The following KBTBD12 variants were observed in gnomAD, a reference collection of about 807,000 sequenced individuals.
The protein encoded by KBTBD12 is kelch repeat and BTB domain containing 12, also known as kelch repeat and BTB domain-containing protein 12.
A neutral mutation model predicts 58.7 loss-of-function variants in KBTBD12; 53 were observed. That is an observed-to-expected ratio of 0.90 (90% CI 0.72 to 1.14). The LOEUF (loss-of-function observed/expected upper bound fraction) is 1.14, where lower values mean the gene tolerates loss of function less well. Among genes scored for constraint, KBTBD12 ranks in the 50% most tolerant of loss-of-function variants. The pLI is 0.00. For missense variants in KBTBD12, 704 were observed against 751.3 expected (o/e 0.94, Z 0.74); for synonymous variants, 236 against 259.8 (o/e 0.91, Z 0.88).
At chr3:127,972,602 G>A (rs919433012) in intron 5 of KBTBD12, among the ~76,000 whole-genome samples, 7 of 152,322 alleles carry the variant, frequency 4.6e-5, no homozygotes, top group African/African-American at 1.4e-4. Context: ...TCAGCTAGCT[G>A]CTTAGAATGT....
At chr3:127,930,733 T>C (rs891403607) in intron 4 of KBTBD12, among the ~76,000 whole-genome samples, 7 of 152,116 alleles carry the variant, frequency 4.6e-5, no homozygotes, top group African/African-American at 1.7e-4. Flanking sequence ...TCTAGAGAGG[T>C]GTTATCAAAC....
At position 127,980,341 on chromosome 3, in the gene KBTBD12, T is replaced by G. The variant is rs1384490772; in HGVS notation, c.1691-3756T>G. ...TTATTTATTTATTTTTTATTTTTTATTTTTTTGAGATGGAGTCTCGCTCTG... is the reference window on the plus strand; with the variant it reads ...TTATTTATTTATTTTTTATTTTTTAGTTTTTTGAGATGGAGTCTCGCTCTG... On this transcript the variant is annotated intron_variant, in intron 5 of 5. Transcript: ENST00000405109. 2.0e-5 allele frequency among the ~76,000 whole-genome samples: 3 copies of G among 152,286 alleles called. 1 individual carries two copies. The East Asian group carries it at 5.8e-4, about 29-fold the overall frequency.
intron 5 of KBTBD12, among the ~76,000 whole-genome samples, chr3:127,977,009 G>C (rs756559396): frequency 8.5e-5 from 13 of 152,074 alleles, no homozygotes; most frequent in Non-Finnish European, 1.8e-4. Context: ...CCACCCTTAA[G>C]TAGGCCCCAG....
At chr3:127,937,496 GAAGA>G (rs1559764645) in intron 4 of KBTBD12, among the ~76,000 whole-genome samples, 1 of 152,090 alleles carries the variant, frequency 6.6e-6, no homozygotes, top group Non-Finnish European at 1.5e-5. Flanking sequence ...AGAGAGTTCT[GAAGA>G]ATTTGCCCAG....
chr3:127,957,013 A>G lies in KBTBD12; in HGVS notation c.1493-6176A>G, dbSNP rs117584507. Among the ~76,000 whole-genome samples, 13 of 152,344 alleles carry G rather than the reference A, an allele frequency of 8.5e-5. No individual in the cohort carries two copies. The East Asian group carries it at 2.5e-3, about 29-fold the overall frequency. ...CGTAATACATATTTTAAAACAGTAT[A>G]AAGAGTTGAAATGGAAAATTTTTGT... is the stretch of plus-strand genomic sequence containing the variant. On this transcript the variant is annotated intron_variant, in intron 4 of 5. Transcript: ENST00000405109.
chr3:127,930,351 A>G, intron 4 of KBTBD12, 68 bp downstream of exon 4: 3 of 1,406,988 alleles, frequency 2.1e-6, no homozygotes, highest in Middle Eastern at 1.9e-4. Context: ...CTCAGCAAAA[A>G]TGAAACGTTC....
intron 4 of KBTBD12, among the ~76,000 whole-genome samples, chr3:127,948,003 A>G (rs1233556859): frequency 6.6e-6 from 1 of 152,188 alleles, no homozygotes; most frequent in Non-Finnish European, 1.5e-5. Flanking sequence ...CTGGCCTTCC[A>G]TGACATCTTA....
At chr3:127,976,648 T>C (rs1940789335) in intron 5 of KBTBD12, among the ~76,000 whole-genome samples, 1 of 152,228 alleles carries the variant, frequency 6.6e-6, no homozygotes, top group African/African-American at 2.4e-5. Context: ...GTTATTATTT[T>C]TCCTTTGCAA....
intron 5 of KBTBD12, among the ~76,000 whole-genome samples, chr3:127,982,147 C>T (rs1199060533): frequency 6.6e-6 from 1 of 152,134 alleles, no homozygotes; most frequent in Non-Finnish European, 1.5e-5. Flanking sequence ...GTTCAGTTAG[C>T]AGGAGGAAAG....
At chr3:127,982,003 T>G (rs1940882124) in intron 5 of KBTBD12, among the ~76,000 whole-genome samples, 1 of 152,136 alleles carries the variant, frequency 6.6e-6, no homozygotes, top group Non-Finnish European at 1.5e-5. Context: ...AATTGTTAAA[T>G]AGGCGTCCAA....
At chr3:127,954,787 G>A (rs556453257) in intron 4 of KBTBD12, among the ~76,000 whole-genome samples, 1 of 152,262 alleles carries the variant, frequency 6.6e-6, no homozygotes, top group Admixed American at 6.5e-5. Flanking sequence ...CCAGCCACAG[G>A]GACTGGGGGT....
chr3:127,984,187 A>T lies in KBTBD12; in HGVS notation c.1781A>T (p.Asp594Val), dbSNP rs1187691849. Residue 594 changes from aspartate (D) to valine (V), a missense_variant, in exon 6 of 6, where the codon GAC becomes GTC. Transcript: ENST00000405109. ...GTAGCCATCAACGTCCTCATGCATG[A>T]CAGCTATGATGTCTGCCTAGTAGCC... Reference protein sequence around the residue: ...NVVAINVLMHDSYDVCLVARM... With the variant: ...NVVAINVLMHVSYDVCLVARM... 6.2e-7 allele frequency: 1 copy of T among 1,613,676 alleles called. No homozygotes were observed. The highest frequency in any genetic ancestry group is 8.5e-7 in the Non-Finnish European group (1 of 1,179,694).
At chr3:127,977,490 A>G (rs1163922058) in intron 5 of KBTBD12, among the ~76,000 whole-genome samples, 2 of 152,202 alleles carry the variant, frequency 1.3e-5, no homozygotes, top group Non-Finnish European at 2.9e-5. Flanking sequence ...CAACCTTGCC[A>G]GCATCTTTTT....
intron 4 of KBTBD12, 106 bp from the exon 5 acceptor site, chr3:127,963,083 A>G: frequency 1.0e-6 from 1 of 992,320 alleles, no homozygotes; most frequent in Non-Finnish European, 1.5e-6. Flanking sequence ...GAAAGAGAAA[A>G]GTTACAGTCC....
At chr3:127,949,360 C>A (rs1017351641) in intron 4 of KBTBD12, among the ~76,000 whole-genome samples, 5 of 152,152 alleles carry the variant, frequency 3.3e-5, no homozygotes, top group African/African-American at 1.2e-4. Flanking sequence ...GAGAGCTAGA[C>A]AAGAGCCAGC....
chr3:127,945,765 G>T (rs1431056046), intron 4 of KBTBD12, among the ~76,000 whole-genome samples: 10 of 147,668 alleles, frequency 6.8e-5, no homozygotes, highest in Admixed American at 6.2e-4. Context: ...TACAACCTCC[G>T]CTTCCCAGGT....
At chr3:127,952,392 A>G (rs1223027626) in intron 4 of KBTBD12, among the ~76,000 whole-genome samples, 1 of 152,192 alleles carries the variant, frequency 6.6e-6, no homozygotes, top group Non-Finnish European at 1.5e-5. Flanking sequence ...CTAAACTAGA[A>G]GGCCACAAAT....
intron 4 of KBTBD12, among the ~76,000 whole-genome samples, chr3:127,934,102 C>T (rs1186129012): frequency 2.0e-5 from 3 of 152,084 alleles, no homozygotes; most frequent in Non-Finnish European, 4.4e-5. Flanking sequence ...TAAAAGTTGT[C>T]TCTGAGTGAG....
At chr3:127,962,167 G>A (rs1435956356) in intron 4 of KBTBD12, among the ~76,000 whole-genome samples, 3 of 152,200 alleles carry the variant, frequency 2.0e-5, no homozygotes, top group South Asian at 2.1e-4. Flanking sequence ...GATGAGAGGC[G>A]TGTCTGCAAA....
Sources: allele counts gnomAD v4.1 joint callset (sites outside exome capture counted in the v4.1 genomes callset), GRCh38; gene constraint gnomAD v4.1.1; transcripts MANE v1.5; gene names NCBI Gene and HGNC (gene_info 2026-07-23, HGNC 2026-07-21).